PCDH11X: variants seen among roughly 807,000 people sequenced by gnomAD.
The protein encoded by PCDH11X is protocadherin-11 X-linked.
A neutral mutation model predicts 53.3 loss-of-function variants in PCDH11X; 18 were observed. The observed-to-expected ratio is 0.34, with a 90% CI of 0.23 to 0.50. PCDH11X has a LOEUF of 0.50. PCDH11X is among the 20% of genes least tolerant of loss of function. The pLI is 0.98. For synonymous variants in PCDH11X, 279 were observed against 393.3 expected (o/e 0.71, Z 3.44); for missense variants, 570 against 1,032.4 (o/e 0.55, Z 6.14).
intron 10 of PCDH11X, among the ~76,000 whole-genome samples, chrX:92,511,463 A>T (rs1336248974): frequency 8.9e-6 from 1 of 111,990 alleles, no homozygotes; most frequent in Non-Finnish European, 1.9e-5. Flanking sequence ...TTGTTAGCCT[A>T]ATTTGTTTCA....
chrX:92,540,743 G>T, intron 10 of PCDH11X, among the ~76,000 whole-genome samples: 1 of 107,060 alleles, frequency 9.3e-6, no homozygotes, highest in South Asian at 4.3e-4. Context: ...ACTCTTCAGA[G>T]CCCAAGGGCT....
chrX:92,613,329 C>T (rs191304158), intron 10 of PCDH11X, among the ~76,000 whole-genome samples: 250 of 110,618 alleles, frequency 2.3e-3, no homozygotes, highest in African/African-American at 8.0e-3. Flanking sequence ...TCTGTAAAAT[C>T]GTTTGTTTCT....
At chrX:92,042,730 C>T (rs1356045800) in intron 6 of PCDH11X, among the ~76,000 whole-genome samples, 2 of 99,732 alleles carry the variant, frequency 2.0e-5, no homozygotes, top group Non-Finnish European at 4.0e-5. Flanking sequence ...CTACACCTCC[C>T]GGGTTCAAGC....
intron 6 of PCDH11X, among the ~76,000 whole-genome samples, chrX:92,013,461 G>A (rs916947098): frequency 2.7e-4 from 30 of 111,408 alleles, no homozygotes; most frequent in African/African-American, 8.8e-4. Context: ...TACTGCCCAA[G>A]GTAATTTATA....
Position 92,194,563 on chromosome X carries a change from T to C in PCDH11X, c.3034-6812T>C, listed in dbSNP as rs745869488. Among the ~76,000 whole-genome samples the C allele has an allele frequency of 2.6e-3, 296 of 112,024 alleles. 3 individuals are homozygous for C. Among genetic ancestry groups the C allele is most frequent in the Non-Finnish European group, 5.0e-3 (264 of 53,223 alleles). ...ACATGCTAATAAGAGTATGCATTTT[T>C]AAAGTTTAGTAAACTTAAATTATAA... On this transcript the variant is annotated intron_variant, in intron 6 of 10. Transcript: ENST00000682573.
At chrX:91,797,002 T>G (rs192192950) in intron 1 of PCDH11X, among the ~76,000 whole-genome samples, 1 of 112,034 alleles carries the variant, frequency 8.9e-6, no homozygotes, top group African/African-American at 3.2e-5. Flanking sequence ...TAATAATTAC[T>G]ATGCACATAA....
chrX:92,355,498 A>C lies in PCDH11X; in HGVS notation c.3145-32237A>C, dbSNP rs74370690. The stretch of plus-strand genomic sequence containing the variant: ...TTATTAAAAGTAACGCAAAACCAAA[A>C]CAAAACTCTTTAATACATCTGAAGG... On this transcript the variant is annotated intron_variant, in intron 8 of 10. Transcript: ENST00000682573. 1.6e-3 allele frequency among the ~76,000 whole-genome samples: 172 copies of C among 105,611 alleles called. 5 individuals are homozygous for C. In the East Asian group the frequency reaches 0.034, roughly 21 times the overall value. The allele number at this position is 105,611 out of a possible 115,157, so 91.7% of individuals were successfully genotyped here.
intron 10 of PCDH11X, among the ~76,000 whole-genome samples, chrX:92,474,923 T>G (rs909163666): frequency 9.2e-6 from 1 of 108,671 alleles, no homozygotes; most frequent in African/African-American, 3.3e-5. Flanking sequence ...CCCAGCACTT[T>G]GGGAGGCCGA....
intron 1 of PCDH11X, among the ~76,000 whole-genome samples, chrX:91,799,057 C>A (rs1022380371): frequency 1.8e-5 from 2 of 111,048 alleles, no homozygotes; most frequent in African/African-American, 6.5e-5. Flanking sequence ...CTTAATGAAA[C>A]CCTACCCTTC....
chrX:92,336,576 T>A (rs952296397), intron 8 of PCDH11X, among the ~76,000 whole-genome samples: 4 of 111,748 alleles, frequency 3.6e-5, no homozygotes, highest in African/African-American at 1.3e-4. Flanking sequence ...TATTTAGAAT[T>A]TTTTGTTAGG....
intron 8 of PCDH11X, among the ~76,000 whole-genome samples, chrX:92,331,279 TTTCTTCTTCTTCTTCTTCTTCTTC>T (rs757045963): frequency 1.9e-5 from 1 of 53,210 alleles, no homozygotes; most frequent in Non-Finnish European, 3.3e-5. Flanking sequence ...CCTCCTCCTC[TTTCTTCTTCTTCTTCTTCTTCTTC>T]TTCTTCTTCT....
intron 6 of PCDH11X, among the ~76,000 whole-genome samples, chrX:92,083,585 ATTTTAAATATACAG>A (rs1464785304): frequency 9.0e-6 from 1 of 111,514 alleles, no homozygotes; most frequent in Non-Finnish European, 1.9e-5. Flanking sequence ...AAAACTACAT[ATTTTAAATATACAG>A]TTTCTTTACA....
chrX:92,530,497 T>A (rs1264457156), intron 10 of PCDH11X, among the ~76,000 whole-genome samples: 1 of 112,175 alleles, frequency 8.9e-6, no homozygotes, highest in Non-Finnish European at 1.9e-5. Context: ...AAGTTTAGCA[T>A]TTTCCTAATT....
chrX:92,172,642 A>G (rs2065842417), intron 6 of PCDH11X, among the ~76,000 whole-genome samples: 2 of 111,741 alleles, frequency 1.8e-5, no homozygotes, highest in Non-Finnish European at 3.8e-5. Flanking sequence ...AACAAAACAA[A>G]GAAACCTTAT....
intron 9 of PCDH11X, among the ~76,000 whole-genome samples, chrX:92,466,203 T>G (rs780120389): frequency 9.0e-6 from 1 of 111,056 alleles, no homozygotes; most frequent in Admixed American, 9.6e-5. Flanking sequence ...TTATTTATTT[T>G]AAAAATTAGT....
intron 5 of PCDH11X, among the ~76,000 whole-genome samples, chrX:91,875,632 G>A (rs1939575878): frequency 9.1e-6 from 1 of 109,585 alleles, no homozygotes; most frequent in Non-Finnish European, 1.9e-5. Context: ...GTGACTTCGT[G>A]GGCATGAATT....
intron 10 of PCDH11X, among the ~76,000 whole-genome samples, chrX:92,591,302 C>G (rs1925012059): frequency 9.0e-6 from 1 of 111,210 alleles, no homozygotes; most frequent in African/African-American, 3.3e-5. Context: ...GAATTTCTTA[C>G]CAATCAGTCT....
intron 6 of PCDH11X, among the ~76,000 whole-genome samples, chrX:91,970,081 C>T (rs1366741063): frequency 9.0e-6 from 1 of 111,193 alleles, no homozygotes; most frequent in Non-Finnish European, 1.9e-5. Context: ...GCAGCGTATC[C>T]AGAGTTGTTC....
intron 4 of PCDH11X, among the ~76,000 whole-genome samples, chrX:91,824,713 G>A (rs1291345412): frequency 9.3e-6 from 1 of 107,820 alleles, no homozygotes; most frequent in African/African-American, 3.6e-5. Context: ...TTCCGTTGCT[G>A]GTGAAGAGCT....
Sources: gnomAD v4.1 joint callset for allele counts (sites outside exome capture counted in the v4.1 genomes callset) on GRCh38, gnomAD v4.1.1 for gene constraint, MANE v1.5 for transcripts, NCBI Gene and HGNC (gene_info 2026-07-23, HGNC 2026-07-21) for gene names.